COL24A1: variants seen among roughly 807,000 people sequenced by gnomAD.
COL24A1 encodes collagen type XXIV alpha 1 chain, also known as collagen alpha-1(XXIV) chain.
A neutral mutation model predicts 253.9 loss-of-function variants in COL24A1; 224 were observed. The observed-to-expected ratio is 0.88, with a 90% CI of 0.79 to 0.99. The LOEUF (loss-of-function observed/expected upper bound fraction) is 0.99. COL24A1 is among the 50% of genes least tolerant of loss of function. The probability of loss-of-function intolerance (pLI) is 0.00; values close to 1 mark genes in which losing one functional copy is unlikely to be tolerated. For synonymous variants in COL24A1, 685 were observed against 673.7 expected, an observed-to-expected ratio of 1.02 and a Z score of -0.26; for missense variants, 2,131 against 2,068.5, an observed-to-expected ratio of 1.03 and a Z score of -0.59.
chr1:85,781,315 T>TAAAAAA, intron 51 of COL24A1, 42 bp from the exon 52 acceptor site: 1 of 1,077,258 alleles, frequency 9.3e-7, no homozygotes, highest in Non-Finnish European at 1.3e-6. Context: ...TTAGTATAAT[T>TAAAAAA]AAAAAAAAAA....
At chr1:85,801,341 T>C (rs1671411024) in intron 47 of COL24A1, among the ~76,000 whole-genome samples, 1 of 152,210 alleles carries the variant, frequency 6.6e-6, no homozygotes, top group Non-Finnish European at 1.5e-5. Flanking sequence ...GGGGTTCTCT[T>C]GACCTCTGGC....
rs758467149 is a variant in COL24A1 at position 85,875,342 on chromosome 1, T to G, written c.3031-12A>C. 1 of 1,610,914 alleles carries G rather than the reference T, an allele frequency of 6.2e-7. No individual in the cohort carries two copies. The highest frequency in any genetic ancestry group is 8.5e-7 in the Non-Finnish European group (1 of 1,177,272). On this transcript the variant is annotated splice_polypyrimidine_tract_variant and intron_variant, in intron 33 of 59. Transcript: ENST00000370571. ...GTGCCTGGAGGTCCCTACAAGAGAATAATTTAACACATTACAAAGGCAATA... is the reference window on the plus strand; with the variant it reads ...GTGCCTGGAGGTCCCTACAAGAGAAGAATTTAACACATTACAAAGGCAATA...
intron 55 of COL24A1, 139 bp downstream of exon 55, chr1:85,761,257 G>T: frequency 1.2e-6 from 1 of 865,426 alleles, no homozygotes; most frequent in Non-Finnish European, 1.8e-6. Context: ...AGCTGGGCCA[G>T]CCCTGTATCA....
intron 47 of COL24A1, among the ~76,000 whole-genome samples, chr1:85,809,705 T>C (rs900914107): frequency 2.6e-5 from 4 of 151,362 alleles, no homozygotes; most frequent in Non-Finnish European, 5.9e-5. Flanking sequence ...TCCATTTTCT[T>C]AGTAACCTGT....
chr1:85,803,589 T>A (rs1303265429), intron 47 of COL24A1, among the ~76,000 whole-genome samples: 3 of 57,642 alleles, frequency 5.2e-5, no homozygotes, highest in Non-Finnish European at 4.0e-5. Flanking sequence ...GGTTTGCACT[T>A]TTTTTTTTTG....
At position 85,926,389 on chromosome 1, in the gene COL24A1, G is replaced by A. The variant is rs894742260; in HGVS notation, c.2563-14956C>T. Among the ~76,000 whole-genome samples the A allele has an allele frequency of 9.2e-5, 14 of 151,584 alleles. No individual in the cohort carries two copies. In the East Asian group the frequency reaches 1.2e-3, roughly 13 times the overall value. On this transcript the variant is annotated intron_variant, in intron 24 of 59. Transcript: ENST00000370571. ...ACACATGCACACGTATGTTTATTGC[G>A]GCACAATAGCCAAAACTTGGAACCA...
intron 55 of COL24A1, among the ~76,000 whole-genome samples, chr1:85,759,431 C>A (rs1666616035): frequency 6.6e-6 from 1 of 152,080 alleles, no homozygotes; most frequent in African/African-American, 2.4e-5. Context: ...TTCATGGAGG[C>A]TGACTTTAGA....
At chr1:86,070,372 G>A (rs1393813824) in intron 7 of COL24A1, among the ~76,000 whole-genome samples, 2 of 152,106 alleles carry the variant, frequency 1.3e-5, no homozygotes, top group African/African-American at 4.8e-5. Context: ...AGAGTTATTG[G>A]CCTTAAAGAG....
In COL24A1 at chr1:86,014,851, A is replaced by G. The variant is rs74501084; in HGVS notation, c.2310+2300T>C. On this transcript the variant is annotated intron_variant, in intron 19 of 59. Coordinates refer to ENST00000370571, the MANE Select transcript of COL24A1 (RefSeq NM_152890.7). ...CATCCTTCTAAATAACCTTTAGTTC[A>G]TCTCCTTGGCACTCCTCCTTCCCTT... Among the ~76,000 whole-genome samples, 3 of 152,218 alleles carry G rather than the reference A, an allele frequency of 2.0e-5. No individual in the cohort carries two copies. The East Asian group carries it at 5.8e-4, about 29-fold the overall frequency.
intron 24 of COL24A1, among the ~76,000 whole-genome samples, chr1:85,922,397 A>C (rs1200638846): frequency 6.6e-6 from 1 of 152,210 alleles, no homozygotes; most frequent in African/African-American, 2.4e-5. Context: ...TGAAGGAAAA[A>C]ATGTTAAGGG....
intron 53 of COL24A1, among the ~76,000 whole-genome samples, chr1:85,772,305 C>A (rs896727475): frequency 6.6e-6 from 1 of 151,236 alleles, no homozygotes; most frequent in Non-Finnish European, 1.5e-5. Context: ...AGTCAGGAAA[C>A]AACAGGTGCT....
intron 37 of COL24A1, 114 bp downstream of exon 37, chr1:85,868,405 T>C: frequency 7.9e-6 from 5 of 632,412 alleles, no homozygotes; most frequent in Non-Finnish European, 1.4e-5. Context: ...GTTTCACATA[T>C]ACAATTATCC....
intron 20 of COL24A1, among the ~76,000 whole-genome samples, chr1:85,977,332 C>T (rs1254517123): frequency 6.6e-6 from 1 of 152,140 alleles, no homozygotes; most frequent in East Asian, 1.9e-4. Flanking sequence ...ACCCCAAAGA[C>T]CACACTGGCT....
chr1:85,789,912 T>C (rs1427261272), intron 47 of COL24A1, among the ~76,000 whole-genome samples: 1 of 152,194 alleles, frequency 6.6e-6, no homozygotes, highest in Non-Finnish European at 1.5e-5. Flanking sequence ...AACTTGATCA[T>C]GGTGGATAAG....
intron 24 of COL24A1, among the ~76,000 whole-genome samples, chr1:85,936,491 T>C (rs952237115): frequency 6.8e-6 from 1 of 147,236 alleles, no homozygotes; most frequent in African/African-American, 2.5e-5. Context: ...GGGGCATATA[T>C]GTGGATCTGA....
chr1:86,025,087 T>C (rs1323501514), intron 14 of COL24A1, among the ~76,000 whole-genome samples: 1 of 152,092 alleles, frequency 6.6e-6, no homozygotes, highest in African/African-American at 2.4e-5. Flanking sequence ...GGAATTGAAA[T>C]TTCCAAGAAA....
chr1:85,798,777 G>A (rs1443618349), intron 47 of COL24A1, among the ~76,000 whole-genome samples: 1 of 152,134 alleles, frequency 6.6e-6, no homozygotes, highest in Non-Finnish European at 1.5e-5. Flanking sequence ...TGTTCACCTG[G>A]AAAACTGCAA....
At chr1:85,793,165 A>T (rs998905807) in intron 47 of COL24A1, among the ~76,000 whole-genome samples, 1 of 152,052 alleles carries the variant, frequency 6.6e-6, no homozygotes, top group Non-Finnish European at 1.5e-5. Flanking sequence ...GTATATTTTT[A>T]AAAATTATCC....
chr1:86,080,065 T>C (rs1207935023), intron 7 of COL24A1, among the ~76,000 whole-genome samples: 1 of 152,144 alleles, frequency 6.6e-6, no homozygotes, highest in African/African-American at 2.4e-5. Context: ...GTGGTACATA[T>C]ACACAATGGA....
Sources: gnomAD v4.1 joint callset for allele counts (sites outside exome capture counted in the v4.1 genomes callset) on GRCh38, gnomAD v4.1.1 for gene constraint, MANE v1.5 for transcripts, NCBI Gene and HGNC (gene_info 2026-07-23, HGNC 2026-07-21) for gene names.